Variants in GRIN2A observed in about 807,000 individuals in gnomAD.
GRIN2A encodes the protein glutamate receptor ionotropic, NMDA 2A.
A neutral mutation model predicts 113.4 loss-of-function variants in GRIN2A; 22 were observed. That is an observed-to-expected ratio of 0.19 (90% confidence interval 0.14 to 0.28). GRIN2A has a LOEUF of 0.28. Ranked by LOEUF, GRIN2A falls within the 10% of genes least tolerant of loss-of-function variation. The pLI, the probability that GRIN2A is intolerant of heterozygous loss-of-function variation, is 1.00. For synonymous variants in GRIN2A, 827 were observed against 738.4 expected (o/e 1.12, Z -1.94); for missense variants, 1,502 against 1,887.0 (o/e 0.80, Z 3.78).
At position 9,759,553 on chromosome 16, in the gene GRIN2A, G is replaced by A; in HGVS notation, c.*3596C>T. 1 of 225,944 alleles carries A rather than the reference G, an allele frequency of 4.4e-6. No individual in the cohort carries two copies. The highest frequency in any genetic ancestry group is 8.8e-6 in the Non-Finnish European group (1 of 113,518). 14.0% of individuals were successfully genotyped at this position (225,944 alleles called of 1,614,324 possible). On this transcript the variant is annotated 3_prime_UTR_variant, in exon 13 of 13. Transcript: ENST00000330684. Reference sequence around the variant, plus strand: ...TCTCCCCAGAAAATAAGCGTGAAATGATTTGACAGATTTTGCTGCAATGTG... The same window carrying A: ...TCTCCCCAGAAAATAAGCGTGAAATAATTTGACAGATTTTGCTGCAATGTG...
Position 9,967,995 on chromosome 16 carries a change from A to G in GRIN2A, c.415-29444T>C, listed in dbSNP as rs1213280215. Among the ~76,000 whole-genome samples, 3 of 152,328 alleles carry G rather than the reference A, an allele frequency of 2.0e-5. No individual in the cohort carries two copies. The East Asian group carries it at 5.8e-4, about 29-fold the overall frequency. On this transcript the variant is annotated intron_variant, in intron 2 of 12. Transcript: ENST00000330684. Reference sequence around the variant, plus strand: ...ACTTATGACTGCGGTTGGAATTCATACAGTGTTTCATTATTTCCAAAGGTA... The same window carrying G: ...ACTTATGACTGCGGTTGGAATTCATGCAGTGTTTCATTATTTCCAAAGGTA...
chr16:10,012,264 C>T (rs886091389), intron 2 of GRIN2A, among the ~76,000 whole-genome samples: 19 of 152,184 alleles, frequency 1.2e-4, no homozygotes, highest in Non-Finnish European at 2.6e-4. Context: ...GATTATGTGA[C>T]ATCCTGCAAA....
chr16:10,151,301 C>A (rs2049564775), intron 2 of GRIN2A, among the ~76,000 whole-genome samples: 1 of 152,168 alleles, frequency 6.6e-6, no homozygotes, highest in African/African-American at 2.4e-5. Context: ...TTTTCCTTTT[C>A]AACTTTAGCT....
intron 2 of GRIN2A, among the ~76,000 whole-genome samples, chr16:9,991,304 A>G (rs1301175890): frequency 6.6e-6 from 1 of 152,172 alleles, no homozygotes; most frequent in Non-Finnish European, 1.5e-5. Context: ...CAAGGTGGAG[A>G]ACCAGTTCAA....
chr16:9,995,139 G>T (rs570064158), intron 2 of GRIN2A, among the ~76,000 whole-genome samples: 1 of 152,280 alleles, frequency 6.6e-6, no homozygotes, highest in South Asian at 2.1e-4. Context: ...ATCTGCAAGA[G>T]AGAATGGTTA....
At chr16:10,105,506 A>C (rs532458948) in intron 2 of GRIN2A, among the ~76,000 whole-genome samples, 1 of 151,478 alleles carries the variant, frequency 6.6e-6, no homozygotes, top group Non-Finnish European at 1.5e-5. Context: ...AAAAAAAATC[A>C]ATGGGGGAGG....
At chr16:9,897,928 A>G (rs1333677879) in intron 3 of GRIN2A, among the ~76,000 whole-genome samples, 9 of 152,190 alleles carry the variant, frequency 5.9e-5, no homozygotes, top group Non-Finnish European at 5.9e-5. Flanking sequence ...AGAATGAATA[A>G]AAGAATAACT....
At chr16:10,124,032 G>T (rs1307851809) in intron 2 of GRIN2A, among the ~76,000 whole-genome samples, 1 of 152,166 alleles carries the variant, frequency 6.6e-6, no homozygotes, top group Non-Finnish European at 1.5e-5. Flanking sequence ...TTTCCAGGCA[G>T]TAGAAAGCCA....
chr16:9,777,198 C>T (rs1901655271), intron 11 of GRIN2A, among the ~76,000 whole-genome samples: 1 of 152,078 alleles, frequency 6.6e-6, no homozygotes, highest in African/African-American at 2.4e-5. Flanking sequence ...TGACCCAACA[C>T]CCATGTTGTT....
chr16:10,048,086 C>G (rs1365949014), intron 2 of GRIN2A, among the ~76,000 whole-genome samples: 3 of 152,160 alleles, frequency 2.0e-5, no homozygotes, highest in Admixed American at 1.3e-4. Context: ...AGAGTTCAGA[C>G]TCAATAGTTA....
At chr16:10,098,453 G>C (rs1279376119) in intron 2 of GRIN2A, among the ~76,000 whole-genome samples, 5 of 152,186 alleles carry the variant, frequency 3.3e-5, no homozygotes, top group Admixed American at 6.5e-5. Context: ...CCACTACTGG[G>C]TATCTACCCA....
At chr16:10,112,474 C>T (rs917487155) in intron 2 of GRIN2A, 4 of 870,854 alleles carry the variant, frequency 4.6e-6, no homozygotes, top group Non-Finnish European at 7.9e-6. Context: ...GCCGATGTGG[C>T]ATCCAGACCG....
At chr16:9,821,310 A>G (rs1188192680) in intron 10 of GRIN2A, among the ~76,000 whole-genome samples, 1 of 152,158 alleles carries the variant, frequency 6.6e-6, no homozygotes, top group African/African-American at 2.4e-5. Context: ...AATCCTTTCT[A>G]AAATGGATTT....
intron 2 of GRIN2A, among the ~76,000 whole-genome samples, chr16:9,988,336 C>T (rs1391733397): frequency 6.6e-6 from 1 of 151,718 alleles, no homozygotes; most frequent in Non-Finnish European, 1.5e-5. Flanking sequence ...TACAAACACA[C>T]ATTTTTAAAT....
chr16:10,125,631 GAAAAAA>G (rs79695852), intron 2 of GRIN2A, among the ~76,000 whole-genome samples: 1 of 132,056 alleles, frequency 7.6e-6, no homozygotes. Flanking sequence ...ATGGTGGGAG[GAAAAAA>G]AAAAAAAAAA....
chr16:10,093,484 C>T (rs1168136861), intron 2 of GRIN2A, among the ~76,000 whole-genome samples: 2 of 152,198 alleles, frequency 1.3e-5, no homozygotes, highest in East Asian at 3.9e-4. Context: ...ATCTCTCCTA[C>T]ATTTGCTGCG....
intron 2 of GRIN2A, among the ~76,000 whole-genome samples, chr16:10,170,841 C>T (rs2050027026): frequency 6.7e-6 from 1 of 149,812 alleles, no homozygotes; most frequent in Non-Finnish European, 1.5e-5. Context: ...CATGCCACTG[C>T]ACTCCAGCCT....
intron 2 of GRIN2A, among the ~76,000 whole-genome samples, chr16:10,029,271 C>T (rs529713514): frequency 4.6e-5 from 7 of 152,022 alleles, no homozygotes; most frequent in Non-Finnish European, 7.4e-5. Context: ...CTTGGCTCAC[C>T]GCAACCTCCG....
chr16:9,769,669 G>T (rs1224133143), intron 11 of GRIN2A, among the ~76,000 whole-genome samples: 3 of 151,962 alleles, frequency 2.0e-5, no homozygotes, highest in African/African-American at 7.3e-5. Flanking sequence ...CATAATAATA[G>T]AACATACTTC....
Sources: gnomAD v4.1 joint callset for allele counts (sites outside exome capture counted in the v4.1 genomes callset) on GRCh38, gnomAD v4.1.1 for gene constraint, MANE v1.5 for transcripts, NCBI Gene and HGNC (gene_info 2026-07-23, HGNC 2026-07-21) for gene names.